LAT2: variants seen among roughly 807,000 people sequenced by gnomAD.
LAT2 encodes the protein linker for activation of T cells family member 2, also known as linker for activation of T-cells family member 2.
In LAT2, 23 loss-of-function variants were observed where a neutral mutation model predicts 43.4. The ratio of observed to expected loss-of-function variants is 0.53; its 90% CI spans 0.38 to 0.75. The LOEUF (loss-of-function observed/expected upper bound fraction) is 0.75, where lower values mean the gene tolerates loss of function less well. Ranked by LOEUF, LAT2 falls within the 30% of genes least tolerant of loss-of-function variation. The pLI is 0.00. For missense variants in LAT2, 284 were observed against 310.2 expected (o/e 0.92, Z 0.64); for synonymous variants, 128 against 123.2 (o/e 1.04, Z -0.26).
Position 74,221,673 on chromosome 7 carries a change from G to A in LAT2, c.369G>A (p.Arg123=), listed in dbSNP as rs1554715290. The A allele has an allele frequency of 1.9e-6, 3 of 1,613,182 alleles. No individual in the cohort carries two copies. The highest frequency in any genetic ancestry group is 2.5e-6 in the Non-Finnish European group (3 of 1,179,542). ...CCATGGAGTATTACAACTGGGGGCG[G>A]TTCTCGAAGCCCCCAGAAGGTGAGG... ...PIAMEYYNWG[R]FSKPPEDDDA... Residue 123 remains arginine, a synonymous_variant, in exon 10 of 14, where the codon CGG becomes CGA. Coordinates refer to ENST00000460943, the MANE Select transcript of LAT2 (RefSeq NM_032464.3).
intron 5 of LAT2, 21 bp from the exon 6 acceptor site, chr7:74,219,939 C>A (rs940376155): frequency 6.2e-7 from 1 of 1,613,262 alleles, no homozygotes; most frequent in Non-Finnish European, 8.5e-7. Context: ...CAGCCAACAC[C>A]CCACTTCTTG....
In LAT2 at chr7:74,222,067, G is replaced by A. The variant is rs551679316; in HGVS notation, c.388+375G>A. 1.8e-4 allele frequency among the ~76,000 whole-genome samples: 26 copies of A among 148,540 alleles called. No homozygotes were observed. The East Asian group carries it at 4.5e-3, about 26-fold the overall frequency. Reference sequence around the variant, plus strand: ...CTCTGAGGCCACCAGAAACCTGGTCGCTGAATGCCTTTGCTTTATAGGAAG... The same window carrying A: ...CTCTGAGGCCACCAGAAACCTGGTCACTGAATGCCTTTGCTTTATAGGAAG... On this transcript the variant is annotated intron_variant, in intron 10 of 13. Transcript: ENST00000460943.
chr7:74,214,091 A>G (rs868952536), intron 1 of LAT2, among the ~76,000 whole-genome samples: 1 of 111,446 alleles, frequency 9.0e-6, no homozygotes, highest in Non-Finnish European at 1.7e-5. Context: ...TATATGAAAA[A>G]ATATATATAA....
Position 74,220,758 on chromosome 7 carries a change from C to T in LAT2, c.332+24C>T. ...ATGTGAGTGACCTTGATCCTGTCCC[C>T]CCTGCCTCGCCTCTCCCCCTGCCCC... On this transcript the variant is annotated intron_variant, in intron 9 of 13. Coordinates refer to ENST00000460943, the MANE Select transcript of LAT2 (RefSeq NM_032464.3). This position sits in a 1 kb window ranked among gnomAD's most constrained non-coding sequence, Gnocchi z 4.5. 6.6e-7 allele frequency: 1 copy of T among 1,514,274 alleles called. No homozygotes were observed. The highest frequency in any genetic ancestry group is 8.9e-7 in the Non-Finnish European group (1 of 1,121,044). The allele number at this position is 1,514,274 out of a possible 1,614,324, so 93.8% of individuals were successfully genotyped here.
At chr7:74,226,159 A>C (rs1554716092) in intron 13 of LAT2, 1 of 136,816 alleles carries the variant, frequency 7.3e-6, no homozygotes, top group South Asian at 2.3e-4. Flanking sequence ...TTTTTTTTTG[A>C]GACAGAGTAT....
intron 4 of LAT2, among the ~76,000 whole-genome samples, chr7:74,218,367 G>A (rs1174370741): frequency 6.6e-6 from 1 of 152,134 alleles, no homozygotes; most frequent in African/African-American, 2.4e-5. Flanking sequence ...TGGAAGGCTG[G>A]GCCAGGTACC....
intron 2 of LAT2, among the ~76,000 whole-genome samples, chr7:74,215,493 A>G (rs1232154034): frequency 6.6e-6 from 1 of 152,034 alleles, no homozygotes; most frequent in East Asian, 1.9e-4. Context: ...GGGTGGGTTT[A>G]CTGGAGGCAA....
intron 1 of LAT2, among the ~76,000 whole-genome samples, chr7:74,210,677 G>A (rs916354002): frequency 6.6e-5 from 10 of 152,270 alleles, no homozygotes; most frequent in Middle Eastern, 3.4e-3. Flanking sequence ...AGCCGGGCAC[G>A]GTGGCTCAAC....
In LAT2 at chr7:74,220,656, G is replaced by C. The variant is rs1802231564; in HGVS notation, c.301+37G>C. The C allele has an allele frequency of 2.5e-6, 4 of 1,613,870 alleles. No individual in the cohort carries two copies. The highest frequency in any genetic ancestry group is 1.7e-4 in the Middle Eastern group (1 of 6,054). ...CCTGGAGAAAGGGGGAGGCCATGGT[G>C]GGGGCCACACCCAGGGGCTCAGGCC... On this transcript the variant is annotated intron_variant, in intron 8 of 13. Transcript: ENST00000460943. This position sits in a 1 kb window ranked among gnomAD's most constrained non-coding sequence, Gnocchi z 4.5.
At position 74,220,280 on chromosome 7, in the gene LAT2, G is replaced by C. The variant is rs782717664; in HGVS notation, c.265+26G>C. 1 of 1,605,524 alleles carries C rather than the reference G, an allele frequency of 6.2e-7. No individual in the cohort carries two copies. Among genetic ancestry groups the C allele is most frequent in the East Asian group, 2.2e-5 (1 of 44,722 alleles). On this transcript the variant is annotated intron_variant, in intron 7 of 13. Coordinates refer to ENST00000460943, the MANE Select transcript of LAT2 (RefSeq NM_032464.3). This position sits in a 1 kb window ranked among gnomAD's most constrained non-coding sequence, Gnocchi z 4.5. ...GTGAGTGGCACAGGGCAGGGACAGG[G>C]ACAGGCCTAGCCAAGCTGGGACTAA...
chr7:74,216,817 T>C lies in LAT2; in HGVS notation c.95-8T>C, dbSNP rs1554714357. On this transcript the variant is annotated splice_region_variant and splice_polypyrimidine_tract_variant and intron_variant, in intron 3 of 13. Transcript: ENST00000460943. ...AGACCCTTTGCTAATCCTGGCCTTT[T>C]CTTGCAGGTGCAAAGAGGTCAGAGA... 1 of 1,613,782 alleles carries C rather than the reference T, an allele frequency of 6.2e-7. No individual in the cohort carries two copies.
At chr7:74,212,495 T>A (rs569530956) in intron 1 of LAT2, among the ~76,000 whole-genome samples, 1 of 152,122 alleles carries the variant, frequency 6.6e-6, no homozygotes, top group East Asian at 1.9e-4. Flanking sequence ...TTGGCCAAGC[T>A]GGTCTCAAAC....
At position 74,220,467 on chromosome 7, in the gene LAT2, G is replaced by A. The variant is rs982340711; in HGVS notation, c.266-117G>A. The A allele has an allele frequency of 2.9e-6, 4 of 1,380,874 alleles. No individual in the cohort carries two copies. The highest frequency in any genetic ancestry group is 1.9e-5 in the Admixed American group (1 of 53,494). 85.5% of individuals were successfully genotyped at this position (1,380,874 alleles called of 1,614,324 possible). A position where few individuals can be genotyped will look rare whatever the true frequency, so the allele number is the denominator to read the frequency against. ...GCACATGCCCCACTGAGGGGACAGG[G>A]AGCACTGCAAAGGCTCAGACACGGG... On this transcript the variant is annotated intron_variant, in intron 7 of 13. Coordinates refer to ENST00000460943, the MANE Select transcript of LAT2 (RefSeq NM_032464.3). This position sits in a 1 kb window ranked among gnomAD's most constrained non-coding sequence, Gnocchi z 4.5.
In LAT2 at chr7:74,223,931, G is replaced by GC. The variant is rs1293469054; in HGVS notation, c.449-83dup. Reference sequence around the variant, plus strand: ...CCCAGGTACCTTTCGGTAGAGCCTTGCCCCTACTATCCTCGGAGGCAGCTC... The same window carrying GC: ...CCCAGGTACCTTTCGGTAGAGCCTTGCCCCCTACTATCCTCGGAGGCAGCTC... On this transcript the variant is annotated intron_variant, in intron 11 of 13. Coordinates refer to ENST00000460943, the MANE Select transcript of LAT2 (RefSeq NM_032464.3). 42 of 1,495,852 alleles carry GC rather than the reference G, an allele frequency of 2.8e-5. No individual in the cohort carries two copies. In the East Asian group the frequency reaches 9.6e-4, roughly 34 times the overall value. The allele number at this position is 1,495,852 out of a possible 1,614,324, so 92.7% of individuals were successfully genotyped here.
At chr7:74,226,654 AAAC>A (rs368193990) in intron 13 of LAT2, 122 of 152,678 alleles carry the variant, frequency 8.0e-4, no homozygotes, top group African/African-American at 2.3e-3. Context: ...GACCCTGTCA[AAAC>A]AACAACAACA....
At chr7:74,215,422 G>C (rs762795639) in intron 2 of LAT2, 1 of 164,920 alleles carries the variant, frequency 6.1e-6, no homozygotes, top group African/African-American at 2.4e-5. Flanking sequence ...TCTGGGGTGG[G>C]CGAGGGCTTC....
intron 13 of LAT2, among the ~76,000 whole-genome samples, chr7:74,227,753 G>A (rs1802542582): frequency 6.6e-6 from 1 of 152,036 alleles, no homozygotes; most frequent in Non-Finnish European, 1.5e-5. Context: ...CATACGTGTA[G>A]TCCCAGCTAC....
chr7:74,219,770 G>GGT lies in LAT2; in HGVS notation c.162_163dup (p.Ser55CysfsTer58). On this transcript the variant is annotated frameshift_variant, in exon 5 of 14. Transcript: ENST00000460943. LOFTEE classifies it high-confidence loss of function. ...CGTGAGGACCAACAGAGCTTTACGGGGTCCCGGACCTACTCCTGTGAGTCT... is the reference window on the plus strand; with the variant it reads ...CGTGAGGACCAACAGAGCTTTACGGGGTGTCCCGGACCTACTCCTGTGAGTCT... 6.2e-7 allele frequency: 1 copy of GGT among 1,614,132 alleles called. No individual in the cohort carries two copies. Among genetic ancestry groups the GGT allele is most frequent in the Middle Eastern group, 1.6e-4 (1 of 6,062 alleles).
Position 74,217,841 on chromosome 7 carries a change from G to A in LAT2, c.134+977G>A, listed in dbSNP as rs78193220. 4.9e-3 allele frequency among the ~76,000 whole-genome samples: 740 copies of A among 152,236 alleles called. 8 individuals carry two copies. The highest frequency in any genetic ancestry group is 0.016 in the African/African-American group (668 of 41,534). On this transcript the variant is annotated intron_variant, in intron 4 of 13. Transcript: ENST00000460943. ...GAGCAGTCACTCATGACCCACACAC[G>A]CACACCCGCACACACATCCTTCCTC... is the stretch of plus-strand genomic sequence containing the variant.
Sources: allele counts gnomAD v4.1 joint callset (sites outside exome capture counted in the v4.1 genomes callset), GRCh38; gene constraint gnomAD v4.1.1; non-coding constraint Gnocchi (gnomAD v3.1); transcripts MANE v1.5; gene names NCBI Gene and HGNC (gene_info 2026-07-23, HGNC 2026-07-21).